NRXN3: variants seen among roughly 807,000 people sequenced by gnomAD.
The protein encoded by NRXN3 is neurexin III.
NRXN3 carries 32 observed loss-of-function variants against 137.6 expected under a neutral mutation model. The observed-to-expected ratio is 0.23, with a 90% confidence interval of 0.18 to 0.31. NRXN3 has a LOEUF of 0.31. Among genes scored for constraint, NRXN3 ranks in the 10% least tolerant of loss-of-function variants. NRXN3 has a pLI of 1.00. For missense variants in NRXN3, 1,574 were observed against 2,062.5 expected (o/e 0.76, Z 4.59); for synonymous variants, 798 against 784.5 (o/e 1.02, Z -0.29).
At chr14:79,630,702 G>T (rs971873856) in intron 16 of NRXN3, among the ~76,000 whole-genome samples, 1 of 152,108 alleles carries the variant, frequency 6.6e-6, no homozygotes, top group Non-Finnish European at 1.5e-5. Flanking sequence ...ATCATCCACT[G>T]ATTCTCATCT....
intron 15 of NRXN3, among the ~76,000 whole-genome samples, chr14:79,306,647 T>G (rs2086118330): frequency 6.6e-6 from 1 of 152,116 alleles, no homozygotes; most frequent in Non-Finnish European, 1.5e-5. Flanking sequence ...CCCTGCTGCC[T>G]GCTTTCTGAG....
chr14:79,156,119 G>A (rs2060233216), intron 15 of NRXN3, among the ~76,000 whole-genome samples: 1 of 151,860 alleles, frequency 6.6e-6, no homozygotes, highest in East Asian at 2.0e-4. Flanking sequence ...ACTACTAAAT[G>A]ATTATTTATT....
At chr14:78,348,300 A>G in intron 4 of NRXN3, among the ~76,000 whole-genome samples, 1 of 152,172 alleles carries the variant, frequency 6.6e-6, no homozygotes, top group Non-Finnish European at 1.5e-5. Flanking sequence ...GAGAAGCATA[A>G]AACTTGGGGA....
intron 4 of NRXN3, among the ~76,000 whole-genome samples, chr14:78,475,585 T>C (rs973884071): frequency 6.6e-6 from 1 of 152,166 alleles, no homozygotes; most frequent in South Asian, 2.1e-4. Context: ...GAGTGAAATG[T>C]AAATAAGAGT....
chr14:78,551,417 T>C (rs1357430634), intron 4 of NRXN3, among the ~76,000 whole-genome samples: 1 of 152,226 alleles, frequency 6.6e-6, no homozygotes, highest in African/African-American at 2.4e-5. Flanking sequence ...AAGTTTGTGA[T>C]TTTTGTAGAC....
intron 19 of NRXN3, among the ~76,000 whole-genome samples, chr14:79,738,973 G>A (rs1401071875): frequency 6.6e-6 from 1 of 152,122 alleles, no homozygotes; most frequent in African/African-American, 2.4e-5. Flanking sequence ...TACATAAAGT[G>A]GAAATAAAGG....
chr14:79,590,292 GCT>G (rs1230201871), intron 16 of NRXN3, among the ~76,000 whole-genome samples: 3 of 151,842 alleles, frequency 2.0e-5, no homozygotes, highest in African/African-American at 4.8e-5. Flanking sequence ...CCCTGCACAA[GCT>G]CTCTCTCTTT....
At chr14:78,628,336 G>T (rs147574331) in intron 4 of NRXN3, among the ~76,000 whole-genome samples, 1 of 152,046 alleles carries the variant, frequency 6.6e-6, no homozygotes, top group African/African-American at 2.4e-5. Context: ...AGGATTTCAG[G>T]CATAAGCCAA....
intron 4 of NRXN3, among the ~76,000 whole-genome samples, chr14:78,606,104 C>T (rs540351785): frequency 3.9e-5 from 6 of 152,182 alleles, no homozygotes; most frequent in African/African-American, 1.4e-4. Context: ...GGGTACAAGA[C>T]TAGAAGAAAA....
chr14:79,040,030 C>T (rs988726095), intron 15 of NRXN3, among the ~76,000 whole-genome samples: 4 of 152,162 alleles, frequency 2.6e-5, no homozygotes, highest in African/African-American at 9.6e-5. Flanking sequence ...AATTATTTGT[C>T]ACTCACTGGA....
chr14:78,599,830 A>G (rs1271545259), intron 4 of NRXN3, among the ~76,000 whole-genome samples: 1 of 152,214 alleles, frequency 6.6e-6, no homozygotes, highest in Admixed American at 6.5e-5. Context: ...AAAAGAAATA[A>G]TAGGAGGGAA....
At chr14:79,372,722 A>G (rs921242380) in intron 15 of NRXN3, among the ~76,000 whole-genome samples, 2 of 152,146 alleles carry the variant, frequency 1.3e-5, no homozygotes, top group Non-Finnish European at 2.9e-5. Context: ...TGATTTTAAT[A>G]TTAGCTTAAA....
At chr14:79,000,088 G>T (rs1046015113) in intron 15 of NRXN3, among the ~76,000 whole-genome samples, 1 of 152,078 alleles carries the variant, frequency 6.6e-6, no homozygotes, top group African/African-American at 2.4e-5. Flanking sequence ...GTCAAACCTT[G>T]TAAACTGTAA....
chr14:78,193,385 A>G (rs975248774), intron 1 of NRXN3, among the ~76,000 whole-genome samples: 5 of 152,142 alleles, frequency 3.3e-5, no homozygotes, highest in Admixed American at 3.3e-4. Flanking sequence ...GAGCCTGGAA[A>G]AGCATCACAT....
intron 10 of NRXN3, among the ~76,000 whole-genome samples, chr14:78,857,736 A>T (rs2099061456): frequency 1.3e-5 from 2 of 152,250 alleles, no homozygotes; most frequent in Middle Eastern, 3.4e-3. Flanking sequence ...ATAGGTTGAG[A>T]AGGAGCTATA....
rs111754181 is a variant in NRXN3, at chr14:79,845,796, G to C, written c.4094-15546G>C. On this transcript the variant is annotated intron_variant, in intron 20 of 20. Coordinates refer to ENST00000335750, the MANE Select transcript of NRXN3 (RefSeq NM_001330195.2). ...AGAGAGAGGGAGACGGGGAGAGAGA[G>C]GGAGACGGGGAGAGAGAGGGAGACG... Among the ~76,000 whole-genome samples the C allele has an allele frequency of 2.5e-3, 181 of 72,674 alleles. 27 individuals are homozygous for C. The highest frequency in any genetic ancestry group is 6.3e-3 in the Middle Eastern group (1 of 160). The allele number at this position is 72,674 out of a possible 152,430, so 47.7% of individuals were successfully genotyped here.
At chr14:79,618,837 T>C (rs1798687509) in intron 16 of NRXN3, among the ~76,000 whole-genome samples, 1 of 152,132 alleles carries the variant, frequency 6.6e-6, no homozygotes, top group Non-Finnish European at 1.5e-5. Context: ...TTCCCTTTCC[T>C]CTGCAACCTT....
rs571610184 is a variant in NRXN3, at chr14:78,433,328, G to C, written c.757+135468G>C. Reference sequence around the variant, plus strand: ...TTCAAATCTCTGATTTCTGCTACTTGCTGGTGAAAATGCTCTGCCTTTTAA... The same window carrying C: ...TTCAAATCTCTGATTTCTGCTACTTCCTGGTGAAAATGCTCTGCCTTTTAA... On this transcript the variant is annotated intron_variant, in intron 4 of 20. Coordinates refer to ENST00000335750, the MANE Select transcript of NRXN3 (RefSeq NM_001330195.2). Among the ~76,000 whole-genome samples the C allele has an allele frequency of 7.2e-5, 11 of 152,208 alleles. No homozygotes were observed. In the South Asian group the frequency reaches 2.1e-3, roughly 29 times the overall value.
intron 4 of NRXN3, among the ~76,000 whole-genome samples, chr14:78,372,291 TTC>T (rs1400971532): frequency 1.5e-5 from 2 of 133,088 alleles, no homozygotes; most frequent in Non-Finnish European, 3.5e-5. Context: ...TTCTTTTCTT[TTC>T]TTTTTTTTTT....
Sources: allele counts gnomAD v4.1 joint callset (sites outside exome capture counted in the v4.1 genomes callset), GRCh38; gene constraint gnomAD v4.1.1; transcripts MANE v1.5; gene names NCBI Gene and HGNC (gene_info 2026-07-23, HGNC 2026-07-21).